Variants in PCSK9 observed in about 807,000 individuals in gnomAD.
The protein encoded by PCSK9 is convertase subtilisin/kexin type 9 preproprotein.
In PCSK9, 57 loss-of-function variants were observed where a neutral mutation model predicts 62.1. The observed-to-expected ratio is 0.92, with a 90% CI of 0.74 to 1.14. The LOEUF (loss-of-function observed/expected upper bound fraction) is 1.14. Among genes scored for constraint, PCSK9 ranks in the 50% most tolerant of loss-of-function variants. PCSK9 has a pLI of 0.00. For synonymous variants in PCSK9, 387 were observed against 409.4 expected, an observed-to-expected ratio of 0.95 and a Z score of 0.66; for missense variants, 870 against 959.8, an observed-to-expected ratio of 0.91 and a Z score of 1.24.
chr1:55,056,174 A>C lies in PCSK9; in HGVS notation c.981A>C (p.Pro327=), dbSNP rs1456881858. Residue 327 remains proline (P), a synonymous_variant, in exon 6 of 12, where the codon CCA becomes CCC. Coordinates refer to ENST00000302118, the MANE Select transcript of PCSK9 (RefSeq NM_174936.4). ...NFRDDACLYS[P]ASAPEVITVG... The stretch of plus-strand genomic sequence containing the variant: ...GGGACGATGCCTGCCTCTACTCCCC[A>C]GCCTCAGCTCCCGAGGTAGGTGCTG... 1 of 1,270,296 alleles carries C rather than the reference A, an allele frequency of 7.9e-7. No homozygotes were observed. Among genetic ancestry groups the C allele is most frequent in the Non-Finnish European group, 1.0e-6 (1 of 974,142 alleles). 78.7% of individuals were successfully genotyped at this position (1,270,296 alleles called of 1,614,324 possible). A position where few individuals can be genotyped will look rare whatever the true frequency, so the allele number is the denominator to read the frequency against.
In PCSK9 at chr1:55,063,717, G is replaced by A. The variant is rs1302838439; in HGVS notation, c.*133G>A. The A allele has an allele frequency of 1.4e-5, 16 of 1,134,504 alleles. No individual in the cohort carries two copies. The highest frequency in any genetic ancestry group is 2.0e-5 in the Non-Finnish European group (16 of 816,004). The allele number at this position is 1,134,504 out of a possible 1,614,324, so 70.3% of individuals were successfully genotyped here. On this transcript the variant is annotated 3_prime_UTR_variant, in exon 12 of 12. Coordinates refer to ENST00000302118, the MANE Select transcript of PCSK9 (RefSeq NM_174936.4). ...GATGGGGATGCTTCCGCCTTTCCGG[G>A]GCTGCTGGCCTGGCCCTTGAGTGGG...
Position 55,046,597 on chromosome 1 carries a change from G to A in PCSK9, c.474G>A (p.Leu158=). Residue 158 remains leucine (L), a synonymous_variant, in exon 3 of 12, where the codon CTG becomes CTA. Transcript: ENST00000302118. ...TTGCCCAGAGCATCCCGTGGAACCT[G>A]GAGCGGATTACCCCTCCACGGTACC... ...SVFAQSIPWN[L]ERITPPRYRA... 6.2e-7 allele frequency: 1 copy of A among 1,614,154 alleles called. No individual in the cohort carries two copies. The highest frequency in any genetic ancestry group is 8.5e-7 in the Non-Finnish European group (1 of 1,180,040).
In PCSK9 at chr1:55,046,642, C is replaced by G; in HGVS notation, c.519C>G (p.Pro173=). 6.2e-7 allele frequency: 1 copy of G among 1,613,868 alleles called. No individual in the cohort carries two copies. Among genetic ancestry groups the G allele is most frequent in the Non-Finnish European group, 8.5e-7 (1 of 1,179,942 alleles). Residue 173 remains proline (P), a synonymous_variant, in exon 3 of 12, where the codon CCC becomes CCG. Coordinates refer to ENST00000302118, the MANE Select transcript of PCSK9 (RefSeq NM_174936.4). ...PPRYRADEYQ[P]PDGGSLVEVY... is the part of the protein sequence containing the mutation. ...GGTACCGGGCGGATGAATACCAGCC[C>G]CCCGGTAAGACCCCCATCTGTGCCC...
chr1:55,054,929 C>T (rs1312831852), intron 5 of PCSK9, among the ~76,000 whole-genome samples: 3 of 151,910 alleles, frequency 2.0e-5, no homozygotes, highest in Non-Finnish European at 2.9e-5. Context: ...GGCGTGAACC[C>T]GGGAGGCGGA....
Position 55,063,741 on chromosome 1 carries a change from G to A in PCSK9, c.*157G>A. The A allele has an allele frequency of 1.1e-6, 1 of 896,088 alleles. No individual in the cohort carries two copies. Among genetic ancestry groups the A allele is most frequent in the Non-Finnish European group, 1.6e-6 (1 of 606,280 alleles). The allele number at this position is 896,088 out of a possible 1,614,324, so 55.5% of individuals were successfully genotyped here. On this transcript the variant is annotated 3_prime_UTR_variant, in exon 12 of 12. Transcript: ENST00000302118. ...GGGCTGCTGGCCTGGCCCTTGAGTG[G>A]GGCAGCCTCCTTGCCTGGAACTCAC...
At chr1:55,056,315 G>C (rs1291097792) in intron 6 of PCSK9, 126 bp downstream of exon 6, 1 of 1,105,536 alleles carries the variant, frequency 9.0e-7, no homozygotes, top group African/African-American at 1.6e-5. Flanking sequence ...CCTGGAGGCC[G>C]AACCCTTCTG....
Position 55,057,218 on chromosome 1 carries a change from G to A in PCSK9, c.997-113G>A, listed in dbSNP as rs1644721904. The A allele has an allele frequency of 5.2e-6, 7 of 1,339,100 alleles. No individual in the cohort carries two copies. The South Asian group carries it at 8.3e-5, about 16-fold the overall frequency. The allele number at this position is 1,339,100 out of a possible 1,614,324, so 83.0% of individuals were successfully genotyped here. A position where few individuals can be genotyped will look rare whatever the true frequency, so the allele number is the denominator to read the frequency against. ...TTCCTTAGGAGGGGACATTTGAGTG[G>A]GACCCAAACAGGTGTATAGCAGTTG... On this transcript the variant is annotated intron_variant, in intron 6 of 11. Transcript: ENST00000302118.
Position 55,040,149 on chromosome 1 carries a change from G to A in PCSK9, c.207+105G>A, listed in dbSNP as rs1238251362. The A allele has an allele frequency of 7.0e-6, 10 of 1,419,308 alleles. No homozygotes were observed. The East Asian group carries it at 1.8e-4, about 25-fold the overall frequency. 87.9% of individuals were successfully genotyped at this position (1,419,308 alleles called of 1,614,324 possible). ...CCCCCCATGTAAGAGAGGAAGTGGA[G>A]TGCAGGTCGCCGAGGGCTCTTCGCT... On this transcript the variant is annotated intron_variant, in intron 1 of 11. Coordinates refer to ENST00000302118, the MANE Select transcript of PCSK9 (RefSeq NM_174936.4). The surrounding 1 kb of genome is among the most constrained non-coding windows in gnomAD (Gnocchi z 4.1).
At chr1:55,052,892 T>C (rs1031244801) in intron 5 of PCSK9, 101 bp downstream of exon 5, 8 of 1,569,434 alleles carry the variant, frequency 5.1e-6, no homozygotes, top group Admixed American at 1.8e-5. Flanking sequence ...TAACCAAGAA[T>C]GCTGTGGCAG....
chr1:55,055,913 T>C (rs1193756761), intron 5 of PCSK9, 80 bp from the exon 6 acceptor site: 1 of 1,354,216 alleles, frequency 7.4e-7, no homozygotes, highest in African/African-American at 1.5e-5. Context: ...AAATTAACCA[T>C]CACTCTGTGC....
At chr1:55,060,345 G>C (rs1039870002) in intron 10 of PCSK9, among the ~76,000 whole-genome samples, 1 of 152,162 alleles carries the variant, frequency 6.6e-6, no homozygotes, top group Non-Finnish European at 1.5e-5. Context: ...TGAGAGGTCT[G>C]GGAAGACAGT....
In PCSK9 at chr1:55,056,101, G is replaced by A; in HGVS notation, c.908G>A (p.Arg303His). 2 of 1,587,960 alleles carry A rather than the reference G, an allele frequency of 1.3e-6. No homozygotes were observed. Among genetic ancestry groups the A allele is most frequent in the Middle Eastern group, 1.7e-4 (1 of 5,906 alleles). ...CGCGTCCTCAACGCCGCCTGCCAGC[G>A]CCTGGCGAGGGCTGGGGTCGTGCTG... ...YSRVLNAACQ[R>H]LARAGVVLVT... Residue 303 changes from arginine (R) to histidine (H), a missense_variant, in exon 6 of 12, where the codon CGC becomes CAC. Transcript: ENST00000302118.
chr1:55,045,300 G>A (rs1249416095), intron 2 of PCSK9, among the ~76,000 whole-genome samples: 1 of 152,128 alleles, frequency 6.6e-6, no homozygotes, highest in Non-Finnish European at 1.5e-5. Context: ...GCCTGGGTTC[G>A]AGTCCTGCCC....
At position 55,058,597 on chromosome 1, in the gene PCSK9, A is replaced by AG; in HGVS notation, c.1454dup (p.Ser485ArgfsTer34). 1 of 1,611,826 alleles carries AG rather than the reference A, an allele frequency of 6.2e-7. No homozygotes were observed. The highest frequency in any genetic ancestry group is 8.5e-7 in the Non-Finnish European group (1 of 1,179,980). ...CTGCGCCCCAGATGAGGAGCTGCTG[A>AG]GCTGCTCCAGTTTCTCCAGGAGTGG... On this transcript the variant is annotated frameshift_variant, in exon 9 of 12. Coordinates refer to ENST00000302118, the MANE Select transcript of PCSK9 (RefSeq NM_174936.4). LOFTEE classifies it high-confidence loss of function.
intron 6 of PCSK9, among the ~76,000 whole-genome samples, chr1:55,056,508 A>G (rs966537548): frequency 6.6e-6 from 1 of 151,722 alleles, no homozygotes; most frequent in Non-Finnish European, 1.5e-5. Flanking sequence ...GTCTTCTGGT[A>G]CCCGCCCCCT....
intron 11 of PCSK9, 127 bp from the exon 12 acceptor site, chr1:55,063,242 G>T: frequency 1.0e-6 from 1 of 992,916 alleles, no homozygotes; most frequent in Non-Finnish European, 1.5e-6. Context: ...GTCCCAAATG[G>T]GCTCTGAGCC....
intron 1 of PCSK9, among the ~76,000 whole-genome samples, chr1:55,043,252 C>A (rs1644609156): frequency 6.6e-6 from 1 of 152,226 alleles, no homozygotes; most frequent in Non-Finnish European, 1.5e-5. Flanking sequence ...ACTTAGTCAT[C>A]CCTTCTGCCT....
chr1:55,043,724 A>G (rs1644613373), intron 1 of PCSK9, 119 bp from the exon 2 acceptor site: 1 of 1,223,748 alleles, frequency 8.2e-7, no homozygotes, highest in African/African-American at 1.5e-5. Flanking sequence ...CTTCTTTATC[A>G]TCTACTATAC....
intron 3 of PCSK9, among the ~76,000 whole-genome samples, chr1:55,049,752 G>C (rs1266423236): frequency 6.6e-6 from 1 of 152,214 alleles, no homozygotes; most frequent in Non-Finnish European, 1.5e-5. Flanking sequence ...CAGCAGGACA[G>C]TGGGCTGGTG....
Sources: gnomAD v4.1 joint callset for allele counts (sites outside exome capture counted in the v4.1 genomes callset) on GRCh38, gnomAD v4.1.1 for gene constraint, Gnocchi (gnomAD v3.1) non-coding constraint, MANE v1.5 for transcripts, NCBI Gene and HGNC (gene_info 2026-07-23, HGNC 2026-07-21) for gene names.